PPP1R17: variants seen among roughly 807,000 people sequenced by gnomAD.
PPP1R17 encodes G-substrate.
PPP1R17 carries 12 observed loss-of-function variants against 15.9 expected under a neutral mutation model. That is an observed-to-expected ratio of 0.75 (90% confidence interval 0.48 to 1.22). The LOEUF (loss-of-function observed/expected upper bound fraction) is 1.22. PPP1R17 is among the 50% of genes most tolerant of loss of function. The pLI, the probability that PPP1R17 is intolerant of heterozygous loss-of-function variation, is 0.00. For missense variants in PPP1R17, 211 were observed against 187.3 expected (o/e 1.13, Z -0.74); for synonymous variants, 63 against 64.5 (o/e 0.98, Z 0.11).
chr7:31,687,259 AC>A lies in PPP1R17; in HGVS notation c.-83del, dbSNP rs1445318836. ...CCAGGCCCAGCCTCGGTGAGCACAC[AC>A]GCCCTCCCTGTCTCTCGCCTTCGCT... On this transcript the variant is annotated 5_prime_UTR_variant, in exon 1 of 5. Transcript: ENST00000342032. The A allele has an allele frequency of 2.0e-5, 3 of 152,342 alleles. No homozygotes were observed. The East Asian group carries it at 5.8e-4, about 29-fold the overall frequency. The allele number at this position is 152,342 out of a possible 1,614,324, so 9.4% of individuals were successfully genotyped here. A position where few individuals can be genotyped will look rare whatever the true frequency, so the allele number is the denominator to read the frequency against.
At chr7:31,696,903 C>T (rs954017044) in intron 3 of PPP1R17, 62 bp from the exon 4 acceptor site, 2 of 1,526,174 alleles carry the variant, frequency 1.3e-6, no homozygotes, top group South Asian at 1.2e-5. Context: ...TATGCACAGT[C>T]CTCATATATT....
chr7:31,688,128 C>T (rs565783728), intron 1 of PPP1R17, among the ~76,000 whole-genome samples: 3 of 152,138 alleles, frequency 2.0e-5, no homozygotes, highest in East Asian at 1.9e-4. Flanking sequence ...CTCACACTCA[C>T]GAAAATATCA....
intron 4 of PPP1R17, among the ~76,000 whole-genome samples, chr7:31,699,954 CCTAT>C (rs1792772518): frequency 1.3e-5 from 2 of 152,048 alleles, no homozygotes; most frequent in African/African-American, 4.8e-5. Flanking sequence ...AAACAATTCC[CCTAT>C]CTCTCTCCCT....
chr7:31,694,384 T>TTAAACACACACACACA (rs1264874211), intron 2 of PPP1R17, among the ~76,000 whole-genome samples: 1 of 98,416 alleles, frequency 1.0e-5, no homozygotes, highest in African/African-American at 4.4e-5. Flanking sequence ...TCTCTCTCTC[T>TTAAACACACACACACA]CAAACACACA....
intron 3 of PPP1R17, chr7:31,696,049 T>A (rs34176): frequency 0.42 from 63,869 of 153,118 alleles, 14,620 homozygotes; most frequent in East Asian, 0.68. Flanking sequence ...CCAGGCCTTC[T>A]TCAGTCACGA....
intron 1 of PPP1R17, among the ~76,000 whole-genome samples, chr7:31,691,810 A>C (rs1792360381): frequency 6.6e-6 from 1 of 150,998 alleles, no homozygotes; most frequent in African/African-American, 2.4e-5. Context: ...AAAAAAAAAA[A>C]AAAAAAAAAA....
chr7:31,703,037 C>T (rs77669985), intron 4 of PPP1R17, among the ~76,000 whole-genome samples: 4,413 of 152,236 alleles, frequency 0.029, 98 homozygotes, highest in Middle Eastern at 0.041. Flanking sequence ...TGACCCTGGA[C>T]AATTAACATA....
chr7:31,705,362 G>A (rs1793022939), intron 4 of PPP1R17, among the ~76,000 whole-genome samples: 1 of 152,138 alleles, frequency 6.6e-6, no homozygotes, highest in African/African-American at 2.4e-5. Flanking sequence ...AAGGATGGAT[G>A]GAAAATTTTG....
At chr7:31,688,376 A>G (rs1166253076) in intron 1 of PPP1R17, among the ~76,000 whole-genome samples, 3 of 152,242 alleles carry the variant, frequency 2.0e-5, no homozygotes, top group Non-Finnish European at 4.4e-5. Flanking sequence ...TTTTCTTCCC[A>G]TAATTTAAAC....
chr7:31,707,140 C>G, intron 4 of PPP1R17, 64 bp from the exon 5 acceptor site: 1 of 1,473,332 alleles, frequency 6.8e-7, no homozygotes, highest in East Asian at 2.3e-5. Context: ...CTGTGTCTGT[C>G]TGCAACGTTG....
rs1583822674 is a variant in PPP1R17, at chr7:31,690,248, A to G, written c.-36-2158A>G. ...TAGCCAAAAATCTAGCGTGGTAGATAGACAACATTACATAAAAATAGCTGC... is the reference window on the plus strand; with the variant it reads ...TAGCCAAAAATCTAGCGTGGTAGATGGACAACATTACATAAAAATAGCTGC... On this transcript the variant is annotated intron_variant, in intron 1 of 4. Coordinates refer to ENST00000342032, the MANE Select transcript of PPP1R17 (RefSeq NM_006658.5). Among the ~76,000 whole-genome samples, 3 of 152,274 alleles carry G rather than the reference A, an allele frequency of 2.0e-5. No homozygotes were observed. The East Asian group carries it at 5.8e-4, about 29-fold the overall frequency.
chr7:31,696,370 A>G (rs1316085977), intron 3 of PPP1R17, among the ~76,000 whole-genome samples: 3 of 152,240 alleles, frequency 2.0e-5, no homozygotes, highest in Non-Finnish European at 2.9e-5. Context: ...TGAAATATGC[A>G]GTAAGAAGTG....
intron 1 of PPP1R17, among the ~76,000 whole-genome samples, chr7:31,687,859 A>T (rs1792170323): frequency 6.6e-6 from 1 of 152,186 alleles, no homozygotes; most frequent in Non-Finnish European, 1.5e-5. Flanking sequence ...CTTTTATTCC[A>T]TCCAGTAAAT....
Position 31,696,790 on chromosome 7 carries a change from C to T in PPP1R17, c.236-175C>T, listed in dbSNP as rs34177. Among the ~76,000 whole-genome samples the T allele has an allele frequency of 5.4e-3, 817 of 152,264 alleles. 14 individuals carry two copies. Among genetic ancestry groups the T allele is most frequent in the African/African-American group, 0.017 (721 of 41,532 alleles). ...AAAACCTTTTGTATAGACAAGGTTC[C>T]TAGTGGAGCCTCAATAAATACTAAT... is the stretch of plus-strand genomic sequence containing the variant. On this transcript the variant is annotated intron_variant, in intron 3 of 4. Coordinates refer to ENST00000342032, the MANE Select transcript of PPP1R17 (RefSeq NM_006658.5).
intron 4 of PPP1R17, among the ~76,000 whole-genome samples, chr7:31,705,464 A>G (rs551157186): frequency 6.0e-4 from 89 of 148,414 alleles, no homozygotes; most frequent in Non-Finnish European, 1.1e-3. Flanking sequence ...TGTACGAGAA[A>G]TATCTCCCAC....
intron 1 of PPP1R17, among the ~76,000 whole-genome samples, chr7:31,691,771 A>G (rs1270058862): frequency 6.9e-6 from 1 of 143,910 alleles, no homozygotes; most frequent in Non-Finnish European, 1.5e-5. Flanking sequence ...TCTTTACTTT[A>G]TACAATAGTT....
chr7:31,688,485 G>T (rs1455112338), intron 1 of PPP1R17, among the ~76,000 whole-genome samples: 1 of 152,258 alleles, frequency 6.6e-6, no homozygotes, highest in East Asian at 1.9e-4. Flanking sequence ...CAACTAATGT[G>T]TTTCAGCTCC....
intron 4 of PPP1R17, among the ~76,000 whole-genome samples, chr7:31,698,368 C>G (rs181211592): frequency 1.4e-4 from 22 of 152,296 alleles, no homozygotes; most frequent in Admixed American, 7.8e-4. Context: ...CTTCCCACTT[C>G]CAATTACCTC....
chr7:31,695,761 T>C lies in PPP1R17; in HGVS notation c.235+140T>C. The C allele has an allele frequency of 3.9e-6, 3 of 772,972 alleles. No individual in the cohort carries two copies. In the South Asian group the frequency reaches 6.8e-5, roughly 18 times the overall value. 47.9% of individuals were successfully genotyped at this position (772,972 alleles called of 1,614,324 possible). A position where few individuals can be genotyped will look rare whatever the true frequency, so the allele number is the denominator to read the frequency against. The stretch of plus-strand genomic sequence containing the variant: ...CCCCACCTCTGTATCTCTGTATTAG[T>C]TACAATATAGCAAGCTGCTATAACA... On this transcript the variant is annotated intron_variant, in intron 3 of 4. Coordinates refer to ENST00000342032, the MANE Select transcript of PPP1R17 (RefSeq NM_006658.5).
Sources: gnomAD v4.1 joint callset for allele counts (sites outside exome capture counted in the v4.1 genomes callset) on GRCh38, gnomAD v4.1.1 for gene constraint, MANE v1.5 for transcripts, NCBI Gene and HGNC (gene_info 2026-07-23, HGNC 2026-07-21) for gene names.